The following TCP1 variants were observed in gnomAD, a reference collection of about 807,000 sequenced individuals.
TCP1 encodes the protein t-complex 1.
Under a neutral mutation model 54.7 loss-of-function variants are expected in TCP1, and 6 were observed. The observed-to-expected ratio is 0.11, with a 90% CI of 0.06 to 0.22. TCP1 has a LOEUF of 0.22. Among genes scored for constraint, TCP1 ranks in the 10% least tolerant of loss-of-function variants. TCP1 has a pLI of 1.00. For missense variants in TCP1, 511 were observed against 678.2 expected (o/e 0.75, Z 2.74); for synonymous variants, 225 against 229.7 (o/e 0.98, Z 0.19).
At chr6:159,783,810 TA>T in intron 7 of TCP1, 130 bp downstream of exon 7, 1 of 1,240,328 alleles carries the variant, frequency 8.1e-7, no homozygotes, top group Non-Finnish European at 1.1e-6. Flanking sequence ...ATAGGTTGTA[TA>T]ACCCCAAATC....
Position 159,784,793 on chromosome 6 carries a change from G to A in TCP1, c.543C>T (p.Tyr181=). 2 of 1,614,156 alleles carry A rather than the reference G, an allele frequency of 1.2e-6. No individual in the cohort carries two copies. Among genetic ancestry groups the A allele is most frequent in the Admixed American group, 1.7e-5 (1 of 60,018 alleles). The change falls in exon 6 of 12, where the codon TAC becomes TAT. Residue 181 remains tyrosine, a synonymous_variant. Coordinates refer to ENST00000321394, the MANE Select transcript of TCP1 (RefSeq NM_030752.3). ...AGCGTGGCTGGCCTCTTATGTCTGT[G>A]TATTTAATAGCAAGTACAGCATCTA... ...MVVDAVLAIK[Y]TDIRGQPRYP... is the part of the protein sequence containing the mutation.
chr6:159,783,868 T>C, intron 7 of TCP1, 73 bp downstream of exon 7: 1 of 1,491,028 alleles, frequency 6.7e-7, no homozygotes, highest in Non-Finnish European at 8.9e-7. Context: ...TAAAATAGTT[T>C]GACTTGGCTA....
chr6:159,787,018 G>T (rs1780713800), intron 3 of TCP1, among the ~76,000 whole-genome samples: 1 of 149,994 alleles, frequency 6.7e-6, no homozygotes, highest in South Asian at 2.1e-4. Flanking sequence ...CGAGAAGGGA[G>T]GATCACTTGA....
intron 7 of TCP1, among the ~76,000 whole-genome samples, chr6:159,783,308 G>A (rs898237542): frequency 2.0e-5 from 3 of 150,732 alleles, no homozygotes; most frequent in Admixed American, 2.0e-4. Flanking sequence ...CGTGCAGACT[G>A]ATTTAAAAGA....
At position 159,783,848 on chromosome 6, in the gene TCP1, T is replaced by C. The variant is rs59192380; in HGVS notation, c.797+93A>G. The C allele has an allele frequency of 4.4e-4, 641 of 1,467,850 alleles. 4 individuals are homozygous for C. In the African/African-American group the frequency reaches 7.9e-3, roughly 18 times the overall value. 90.9% of individuals were successfully genotyped at this position (1,467,850 alleles called of 1,614,324 possible). A position where few individuals can be genotyped will look rare whatever the true frequency, so the allele number is the denominator to read the frequency against. On this transcript the variant is annotated intron_variant, in intron 7 of 11. Transcript: ENST00000321394. ...CTCTAAAAACACCACCAGGCTAATTTTTCTGGAAGTAAAATAGTTTGACTT... is the reference window on the plus strand; with the variant it reads ...CTCTAAAAACACCACCAGGCTAATTCTTCTGGAAGTAAAATAGTTTGACTT...
chr6:159,780,265 G>T, intron 9 of TCP1, 178 bp from the exon 10 acceptor site: 2 of 1,219,312 alleles, frequency 1.6e-6, no homozygotes, highest in Non-Finnish European at 2.4e-6. Context: ...TCTAGTCCCT[G>T]CAGAAGAGAT....
intron 7 of TCP1, among the ~76,000 whole-genome samples, chr6:159,783,377 C>CT (rs1413059714): frequency 1.3e-5 from 1 of 78,366 alleles, no homozygotes; most frequent in Non-Finnish European, 2.6e-5. Flanking sequence ...ACTGTTTAAA[C>CT]TATTTTTTTT....
chr6:159,784,951 T>C lies in TCP1; in HGVS notation c.489-104A>G. 1.1e-5 allele frequency: 13 copies of C among 1,141,450 alleles called. No individual in the cohort carries two copies. The South Asian group carries it at 1.7e-4, about 15-fold the overall frequency. The allele number at this position is 1,141,450 out of a possible 1,614,324, so 70.7% of individuals were successfully genotyped here. A position where few individuals can be genotyped will look rare whatever the true frequency, so the allele number is the denominator to read the frequency against. ...GGGACTTCCTTTTAGTAATCTAATC[T>C]ATTAAAGCAGCAAGCATTACTTGTC... On this transcript the variant is annotated intron_variant, in intron 5 of 11. Coordinates refer to ENST00000321394, the MANE Select transcript of TCP1 (RefSeq NM_030752.3).
intron 7 of TCP1, among the ~76,000 whole-genome samples, chr6:159,782,620 A>G (rs893046755): frequency 1.3e-5 from 2 of 152,218 alleles, no homozygotes; most frequent in African/African-American, 4.8e-5. Context: ...ACTCCCCATC[A>G]CTAAAATGGT....
chr6:159,783,846 T>G, intron 7 of TCP1, 95 bp downstream of exon 7: 2 of 1,469,602 alleles, frequency 1.4e-6, no homozygotes, highest in South Asian at 1.4e-5. Flanking sequence ...ACCAGGCTAA[T>G]TTTTCTGGAA....
chr6:159,779,705 T>A lies in TCP1; in HGVS notation c.1376A>T (p.Asp459Val). Residue 459 changes from aspartate (D) to valine (V), a missense_variant, in exon 11 of 12, where the codon GAC becomes GTC. This residue lies in a region of TCP1 where 88 missense variants were observed against 153.1 expected (regional missense o/e 0.57). Transcript: ENST00000321394. Reference protein sequence around the residue: ...PNTLAVNAAQDSTDLVAKLRA... With the variant: ...PNTLAVNAAQVSTDLVAKLRA... ...TAATTTTGCAACCAGATCTGTGGAG[T>A]CCTGGGCAGCATTAACTGCTAGTGT... is the stretch of plus-strand genomic sequence containing the variant. The A allele has an allele frequency of 6.2e-7, 1 of 1,613,526 alleles. No homozygotes were observed. Among genetic ancestry groups the A allele is most frequent in the South Asian group, 1.1e-5 (1 of 90,972 alleles).
In TCP1 at chr6:159,780,351, G is replaced by A. The variant is rs1780545396; in HGVS notation, c.1097+92C>T. On this transcript the variant is annotated intron_variant, in intron 9 of 11. Transcript: ENST00000321394. ...CATGCGTATAACTGCTCGTATCACT[G>A]TGAGACTACAAGCAGCAAATAAATG... The A allele has an allele frequency of 3.8e-6, 6 of 1,571,020 alleles. No homozygotes were observed. In the East Asian group the frequency reaches 1.3e-4, roughly 35 times the overall value.
rs754729336 is a variant in TCP1, at chr6:159,785,652, G to A, written c.378-156C>T. 3.7e-6 allele frequency: 3 copies of A among 803,838 alleles called. No individual in the cohort carries two copies. The South Asian group carries it at 4.0e-5, about 11-fold the overall frequency. 49.8% of individuals were successfully genotyped at this position (803,838 alleles called of 1,614,324 possible). A position where few individuals can be genotyped will look rare whatever the true frequency, so the allele number is the denominator to read the frequency against. On this transcript the variant is annotated intron_variant, in intron 4 of 11. Coordinates refer to ENST00000321394, the MANE Select transcript of TCP1 (RefSeq NM_030752.3). ...GACATGAAAAAACCCTCCCTCTTCA[G>A]ATCATGGCAAGTTTAATCTATCCCA...
At chr6:159,783,085 C>T (rs1780613400) in intron 7 of TCP1, among the ~76,000 whole-genome samples, 1 of 151,590 alleles carries the variant, frequency 6.6e-6, no homozygotes, top group South Asian at 2.1e-4. Flanking sequence ...ACCTATAGCA[C>T]AAGGATGTAT....
intron 8 of TCP1, 23 bp from the exon 9 acceptor site, chr6:159,780,589 T>G: frequency 6.2e-7 from 1 of 1,603,180 alleles, no homozygotes; most frequent in Non-Finnish European, 8.5e-7. Context: ...TTACAAAGGA[T>G]CTGTGAATAT....
intron 7 of TCP1, 22 bp from the exon 8 acceptor site, chr6:159,781,132 T>G: frequency 6.5e-7 from 1 of 1,546,928 alleles, no homozygotes; most frequent in East Asian, 2.3e-5. Flanking sequence ...TTTTGTAACC[T>G]GAGTTACCTT....
At chr6:159,782,216 AGAGTCAATAT>A (rs1277534154) in intron 7 of TCP1, among the ~76,000 whole-genome samples, 1 of 152,220 alleles carries the variant, frequency 6.6e-6, no homozygotes, top group Non-Finnish European at 1.5e-5. Flanking sequence ...CCAGATTTGA[AGAGTCAATAT>A]GAGTGAAGCC....
Position 159,785,387 on chromosome 6 carries a change from T to C in TCP1, c.487A>G (p.Ile163Val). 1.9e-6 allele frequency: 3 copies of C among 1,608,228 alleles called. No homozygotes were observed. The highest frequency in any genetic ancestry group is 2.6e-6 in the Non-Finnish European group (3 of 1,176,266). ...KTSMSSKIIG[I>V]NGDFFANMVV... ...TTTATCTGACAACCACAAGGATACATTCCAATGATTTTGGAAGACATGGAT... is the reference window on the plus strand; with the variant it reads ...TTTATCTGACAACCACAAGGATACACTCCAATGATTTTGGAAGACATGGAT... The change falls in exon 5 of 12, where the codon ATA becomes GTA. Residue 163 changes from isoleucine to valine, a missense_variant and splice_region_variant. Transcript: ENST00000321394.
rs1780742760 is a variant in TCP1, at chr6:159,788,153, A to G, written c.65-10T>C. 1 of 1,613,030 alleles carries G rather than the reference A, an allele frequency of 6.2e-7. No individual in the cohort carries two copies. Among genetic ancestry groups the G allele is most frequent in the East Asian group, 2.2e-5 (1 of 44,866 alleles). ...GAAGCTGCAGCCATAACTGTAGACAATCAATTAAAAATAAAAAAGAAATGA... is the reference window on the plus strand; with the variant it reads ...GAAGCTGCAGCCATAACTGTAGACAGTCAATTAAAAATAAAAAAGAAATGA... On this transcript the variant is annotated splice_polypyrimidine_tract_variant and intron_variant, in intron 1 of 11. Transcript: ENST00000321394.
Sources: allele counts gnomAD v4.1 joint callset (sites outside exome capture counted in the v4.1 genomes callset), GRCh38; gene constraint gnomAD v4.1.1; regional missense constraint gnomAD v4.1.1; transcripts MANE v1.5; gene names NCBI Gene and HGNC (gene_info 2026-07-23, HGNC 2026-07-21).